RTEL1: variants seen among roughly 807,000 people sequenced by gnomAD.
The protein encoded by RTEL1 is regulator of telomere length.
A neutral mutation model predicts 162.2 loss-of-function variants in RTEL1; 86 were observed. The observed-to-expected ratio is 0.53, with a 90% CI of 0.45 to 0.63. The LOEUF (loss-of-function observed/expected upper bound fraction) is 0.63, where lower values mean the gene tolerates loss of function less well. Ranked by LOEUF, RTEL1 falls within the 30% of genes least tolerant of loss-of-function variation. The pLI, the probability that RTEL1 is intolerant of heterozygous loss-of-function variation, is 0.00. For missense variants in RTEL1, 1,941 were observed against 1,750.2 expected, an observed-to-expected ratio of 1.11 and a Z score of -1.95; for synonymous variants, 958 against 717.9, an observed-to-expected ratio of 1.33 and a Z score of -5.35.
At position 63,696,015 on chromosome 20, in the gene RTEL1, G is replaced by A; in HGVS notation, c.*157G>A. On this transcript the variant is annotated 3_prime_UTR_variant, in exon 35 of 35. Coordinates refer to ENST00000360203, the MANE Select transcript of RTEL1 (RefSeq NM_001283009.2). ...CAGGCGGGGCCCATGGTTGGTCCCT[G>A]CGGTGGGACCGGATCTGGGCCTGCC... is the stretch of plus-strand genomic sequence containing the variant. 1 of 709,924 alleles carries A rather than the reference G, an allele frequency of 1.4e-6. No individual in the cohort carries two copies. 44.0% of individuals were successfully genotyped at this position (709,924 alleles called of 1,614,324 possible). A position where few individuals can be genotyped will look rare whatever the true frequency, so the allele number is the denominator to read the frequency against.
intron 9 of RTEL1, 114 bp from the exon 10 acceptor site, chr20:63,673,826 T>A: frequency 8.2e-7 from 1 of 1,220,628 alleles, no homozygotes; most frequent in Non-Finnish European, 1.2e-6. Context: ...GGCCAAGGCT[T>A]TGGGAACTTG....
rs2090049266 is a variant in RTEL1 at position 63,662,894 on chromosome 20, A to G, written c.538+5A>G. ...ATTTCTACAACAACGTAGAAGGTACAAGCAGCTGGGTGGGACCAGGGTCGG... is the reference window on the plus strand; with the variant it reads ...ATTTCTACAACAACGTAGAAGGTACGAGCAGCTGGGTGGGACCAGGGTCGG... On this transcript the variant is annotated splice_donor_5th_base_variant and intron_variant, in intron 6 of 34. Coordinates refer to ENST00000360203, the MANE Select transcript of RTEL1 (RefSeq NM_001283009.2). 6.2e-7 allele frequency: 1 copy of G among 1,613,872 alleles called. No individual in the cohort carries two copies. The highest frequency in any genetic ancestry group is 8.5e-7 in the Non-Finnish European group (1 of 1,179,888).
rs544841425 is a variant in RTEL1, at chr20:63,661,324, T to A, written c.129T>A (p.Pro43=). Residue 43 remains proline (P), a synonymous_variant, in exon 3 of 35, where the codon CCT becomes CCA. Coordinates refer to ENST00000360203, the MANE Select transcript of RTEL1 (RefSeq NM_001283009.2). The surrounding 1 kb of genome is among the most constrained non-coding windows in gnomAD (Gnocchi z 5.1). ...AGGTGAATGGCATCCTGGAGAGCCC[T>A]ACGGGTACAGGGAAGACGCTGTGCC... ...QQKVNGILES[P]TGTGKTLCLL... The A allele has an allele frequency of 8.7e-6, 14 of 1,612,686 alleles. No homozygotes were observed. The Admixed American group carries it at 1.3e-4, about 15-fold the overall frequency.
At position 63,688,111 on chromosome 20, in the gene RTEL1, T is replaced by C. The variant is rs2738785; in HGVS notation, c.1596-28T>C. On this transcript the variant is annotated intron_variant, in intron 18 of 34. Coordinates refer to ENST00000360203, the MANE Select transcript of RTEL1 (RefSeq NM_001283009.2). ...GGTGGGGGAGCACTGAGGCCTGAGG[T>C]CCTGAGCAGTGGCCTCTCCGGCTCT... 1,224,141 of 1,611,930 alleles carry C rather than the reference T, an allele frequency of 0.76. 471,927 individuals are homozygous for C. The highest frequency in any genetic ancestry group is 0.94 in the African/African-American group (70,748 of 74,996).
intron 8 of RTEL1, among the ~76,000 whole-genome samples, chr20:63,669,076 A>G (rs1429235100): frequency 6.6e-6 from 1 of 152,034 alleles, no homozygotes; most frequent in Non-Finnish European, 1.5e-5. Flanking sequence ...CCCCGCCCCT[A>G]GGTTCTAGCG....
In RTEL1 at chr20:63,661,695, C is replaced by T. The variant is rs1176923154; in HGVS notation, c.302-155C>T. 1.2e-6 allele frequency: 1 copy of T among 854,174 alleles called. No individual in the cohort carries two copies. Among genetic ancestry groups the T allele is most frequent in the African/African-American group, 1.7e-5 (1 of 59,254 alleles). 52.9% of individuals were successfully genotyped at this position (854,174 alleles called of 1,614,324 possible). A position where few individuals can be genotyped will look rare whatever the true frequency, so the allele number is the denominator to read the frequency against. On this transcript the variant is annotated intron_variant, in intron 3 of 34. Coordinates refer to ENST00000360203, the MANE Select transcript of RTEL1 (RefSeq NM_001283009.2). This position sits in a 1 kb window ranked among gnomAD's most constrained non-coding sequence, Gnocchi z 5.1. ...GCTTTTTTGCTGAATTAGGGCACGG[C>T]AGATGCCCACTTCACCCATTTTTGA...
Position 63,687,747 on chromosome 20 carries a change from C to G in RTEL1, c.1458C>G (p.Ser486=), listed in dbSNP as rs775896223. Residue 486 remains serine (S), a synonymous_variant, in exon 17 of 35, where the codon TCC becomes TCG. Transcript: ENST00000360203. ...CCAGCGGCACGCTGGCCCCGGTGTCCTCCTTTGCTCTGGAGATGCAGATGT... is the reference window on the plus strand; with the variant it reads ...CCAGCGGCACGCTGGCCCCGGTGTCGTCCTTTGCTCTGGAGATGCAGATGT... The part of the protein sequence containing the change: ...ILTSGTLAPV[S]SFALEMQIPF... 4 of 1,580,952 alleles carry G rather than the reference C, an allele frequency of 2.5e-6. No individual in the cohort carries two copies. The African/African-American group carries it at 4.0e-5, about 16-fold the overall frequency.
In RTEL1 at chr20:63,683,514, A is replaced by G. The variant is rs528864948; in HGVS notation, c.1192-2009A>G. Among the ~76,000 whole-genome samples the G allele has an allele frequency of 1.1e-4, 17 of 152,326 alleles. No individual in the cohort carries two copies. In the Middle Eastern group the frequency reaches 0.01, roughly 91 times the overall value. On this transcript the variant is annotated intron_variant, in intron 14 of 34. Coordinates refer to ENST00000360203, the MANE Select transcript of RTEL1 (RefSeq NM_001283009.2). Reference sequence around the variant, plus strand: ...ACGTGCACATGCATGCAGAGTACGCACACACGCACGCACGCCTGCACAAAT... The same window carrying G: ...ACGTGCACATGCATGCAGAGTACGCGCACACGCACGCACGCCTGCACAAAT...
In RTEL1 at chr20:63,695,003, G is replaced by A. The variant is rs369393454; in HGVS notation, c.3343+29G>A. ...AGTGGCCCTGGCGTGGGGAACAGCC[G>A]GTGGGGTGGGGGGCAGGGGACAAAA... On this transcript the variant is annotated intron_variant, in intron 32 of 34. Coordinates refer to ENST00000360203, the MANE Select transcript of RTEL1 (RefSeq NM_001283009.2). The A allele has an allele frequency of 1.4e-4, 221 of 1,610,684 alleles. 1 individual carries two copies. Among genetic ancestry groups the A allele is most frequent in the Admixed American group, 3.2e-4 (19 of 59,964 alleles).
chr20:63,687,397 C>G, intron 16 of RTEL1: 1 of 523,728 alleles, frequency 1.9e-6, no homozygotes, highest in South Asian at 2.8e-5. Context: ...TCCCCAGCCT[C>G]TGCCTGGGGT....
rs767991978 is a variant in RTEL1 at position 63,689,735 on chromosome 20, C to T, written c.2026-15C>T. 40 of 1,609,088 alleles carry T rather than the reference C, an allele frequency of 2.5e-5. No individual in the cohort carries two copies. Among genetic ancestry groups the T allele is most frequent in the Middle Eastern group, 3.3e-4 (2 of 6,042 alleles). On this transcript the variant is annotated splice_polypyrimidine_tract_variant and intron_variant, in intron 23 of 34. Transcript: ENST00000360203. ...GCCAAGGGAGCCCCCGTGACCGAGC[C>T]GCCTCGCCCCACAGTTCCTCTCTGG...
At chr20:63,687,522 C>G in intron 16 of RTEL1, 116 bp from the exon 17 acceptor site, 1 of 1,213,136 alleles carries the variant, frequency 8.2e-7, no homozygotes, top group Non-Finnish European at 1.1e-6. Flanking sequence ...GGTGGCTGCC[C>G]GCGGCTCGCT....
chr20:63,676,336 C>T (rs545448561), intron 10 of RTEL1, among the ~76,000 whole-genome samples: 1 of 152,292 alleles, frequency 6.6e-6, no homozygotes, highest in South Asian at 2.1e-4. Flanking sequence ...GAGGGGCAGC[C>T]ACACGAGTTC....
chr20:63,667,368 G>A (rs531472955), intron 7 of RTEL1, 101 bp from the exon 8 acceptor site: 12 of 923,290 alleles, frequency 1.3e-5, no homozygotes, highest in East Asian at 9.8e-5. Flanking sequence ...TGGGCCCTAC[G>A]TGCAGGATGA....
intron 10 of RTEL1, among the ~76,000 whole-genome samples, chr20:63,675,222 C>T (rs1299625585): frequency 1.3e-5 from 2 of 152,232 alleles, no homozygotes; most frequent in African/African-American, 4.8e-5. Flanking sequence ...ATATTTTCTA[C>T]ATGGCTTCTG....
chr20:63,691,903 G>T, intron 28 of RTEL1, 66 bp downstream of exon 28: 1 of 1,352,422 alleles, frequency 7.4e-7, no homozygotes, highest in East Asian at 2.3e-5. Flanking sequence ...AGCCGTGGGT[G>T]CCCCCAGCCA....
At chr20:63,673,854 C>G in intron 9 of RTEL1, 86 bp from the exon 10 acceptor site, 2 of 1,468,126 alleles carry the variant, frequency 1.4e-6, no homozygotes, top group Non-Finnish European at 1.8e-6. Flanking sequence ...GCCTCCTGTG[C>G]CTTCTGCACC....
intron 12 of RTEL1, 144 bp downstream of exon 12, chr20:63,678,490 G>A: frequency 2.8e-6 from 2 of 709,006 alleles, no homozygotes; most frequent in Non-Finnish European, 4.7e-6. Context: ...AGGAGCACCT[G>A]CTTTGCATGA....
intron 16 of RTEL1, 164 bp from the exon 17 acceptor site, chr20:63,687,474 G>T: frequency 1.2e-6 from 1 of 801,536 alleles, no homozygotes; most frequent in Non-Finnish European, 1.9e-6. Context: ...CACACTCAGG[G>T]CAGCCTCCTT....
Sources: gnomAD v4.1 joint callset for allele counts (sites outside exome capture counted in the v4.1 genomes callset) on GRCh38, gnomAD v4.1.1 for gene constraint, Gnocchi (gnomAD v3.1) non-coding constraint, MANE v1.5 for transcripts, NCBI Gene and HGNC (gene_info 2026-07-23, HGNC 2026-07-21) for gene names.